The following GAS2L3 variants were observed in gnomAD, a reference collection of about 807,000 sequenced individuals.
GAS2L3 encodes the protein growth arrest specific 2 like 3.
GAS2L3 carries 28 observed loss-of-function variants against 37.0 expected under a neutral mutation model. The observed-to-expected ratio is 0.76, with a 90% confidence interval of 0.56 to 1.04. The LOEUF (loss-of-function observed/expected upper bound fraction) is 1.04, where lower values mean the gene tolerates loss of function less well. GAS2L3 is among the 50% of genes least tolerant of loss of function. The pLI is 0.00. For missense variants in GAS2L3, 793 were observed against 817.6 expected, an observed-to-expected ratio of 0.97 and a Z score of 0.37; for synonymous variants, 290 against 296.6, an observed-to-expected ratio of 0.98 and a Z score of 0.23.
chr12:100,615,391 A>G (rs1956173810), intron 6 of GAS2L3, among the ~76,000 whole-genome samples: 1 of 152,122 alleles, frequency 6.6e-6, no homozygotes, highest in Non-Finnish European at 1.5e-5. Context: ...TATATATTCT[A>G]GATACTAGGC....
At chr12:100,600,621 T>A in intron 4 of GAS2L3, 71 bp downstream of exon 4, 1 of 1,191,078 alleles carries the variant, frequency 8.4e-7, no homozygotes, top group Non-Finnish European at 1.2e-6. Flanking sequence ...CCTTACTCTT[T>A]GTCAAGGAGT....
At chr12:100,611,870 T>G (rs763041564) in intron 5 of GAS2L3, 130 bp from the exon 6 acceptor site, 1 of 668,346 alleles carries the variant, frequency 1.5e-6, no homozygotes, top group Non-Finnish European at 2.5e-6. Flanking sequence ...CAAAACTATC[T>G]TTTTTCTCTA....
In GAS2L3 at chr12:100,624,404, AG is replaced by A; in HGVS notation, c.1601del (p.Gly534GlufsTer25). 1 of 1,614,086 alleles carries A rather than the reference AG, an allele frequency of 6.2e-7. No homozygotes were observed. Among genetic ancestry groups the A allele is most frequent in the Non-Finnish European group, 8.5e-7 (1 of 1,180,022 alleles). On this transcript the variant is annotated frameshift_variant, in exon 10 of 10. Transcript: ENST00000547754. LOFTEE classifies it low-confidence loss of function (END_TRUNC). ...TSSKTIATGL[G>X]TQSQPSDGAP... is the part of the protein sequence containing the mutation. Reference sequence around the variant, plus strand: ...GTTCCAAAACCATAGCCACGGGTCTAGGAACACAGTCTCAACCATCCGATGG... The same window carrying A: ...GTTCCAAAACCATAGCCACGGGTCTAGAACACAGTCTCAACCATCCGATGG...
chr12:100,613,807 G>A (rs953048596), intron 6 of GAS2L3, among the ~76,000 whole-genome samples: 1 of 151,768 alleles, frequency 6.6e-6, no homozygotes, highest in African/African-American at 2.4e-5. Context: ...TGTTAGCCAG[G>A]GTGGTCTCAA....
At chr12:100,578,216 A>G (rs1955662547) in intron 1 of GAS2L3, among the ~76,000 whole-genome samples, 1 of 152,200 alleles carries the variant, frequency 6.6e-6, no homozygotes, top group African/African-American at 2.4e-5. Context: ...AGAAGCAACA[A>G]GATATAGTCA....
intron 1 of GAS2L3, chr12:100,579,215 G>A (rs982080348): frequency 3.4e-5 from 21 of 616,130 alleles, no homozygotes; most frequent in Non-Finnish European, 6.3e-5. Flanking sequence ...TCCCCTTTCT[G>A]GATTTGCTAA....
chr12:100,596,281 T>G (rs895916235), intron 3 of GAS2L3, among the ~76,000 whole-genome samples: 2 of 152,132 alleles, frequency 1.3e-5, no homozygotes, highest in Non-Finnish European at 2.9e-5. Flanking sequence ...GTCTCAGGAA[T>G]GTCATAGTTT....
intron 1 of GAS2L3, among the ~76,000 whole-genome samples, chr12:100,584,335 C>A (rs1413469241): frequency 6.6e-6 from 1 of 152,164 alleles, no homozygotes; most frequent in Non-Finnish European, 1.5e-5. Context: ...GATCATGAAG[C>A]AACTCTCCAA....
chr12:100,618,428 G>C (rs771731083), intron 7 of GAS2L3, 21 bp from the exon 8 acceptor site: 48 of 1,590,480 alleles, frequency 3.0e-5, no homozygotes, highest in Non-Finnish European at 3.8e-5. Flanking sequence ...TGAATGATCA[G>C]ATCTCCTGGT....
intron 1 of GAS2L3, among the ~76,000 whole-genome samples, chr12:100,577,346 A>G (rs897142146): frequency 6.6e-6 from 1 of 152,144 alleles, no homozygotes; most frequent in Admixed American, 6.5e-5. Flanking sequence ...TTAATCTATC[A>G]TGTGTAAAGG....
chr12:100,611,798 C>T (rs1464118800), intron 5 of GAS2L3, among the ~76,000 whole-genome samples: 4 of 151,978 alleles, frequency 2.6e-5, no homozygotes, highest in African/African-American at 7.3e-5. Flanking sequence ...GGCCACAGAC[C>T]GGTACCAGTC....
intron 5 of GAS2L3, among the ~76,000 whole-genome samples, chr12:100,604,235 T>A (rs976828213): frequency 6.6e-6 from 1 of 152,062 alleles, no homozygotes; most frequent in African/African-American, 2.4e-5. Flanking sequence ...TCCATGCACA[T>A]GGAATATTTT....
intron 5 of GAS2L3, among the ~76,000 whole-genome samples, chr12:100,602,544 T>C (rs1956004696): frequency 1.3e-5 from 2 of 151,948 alleles, no homozygotes; most frequent in African/African-American, 4.8e-5. Context: ...ATTTATGGGG[T>C]ACATGAGATA....
At chr12:100,579,106 A>G in intron 1 of GAS2L3, 1 of 722,818 alleles carries the variant, frequency 1.4e-6, no homozygotes, top group Non-Finnish European at 2.6e-6. Flanking sequence ...TTCAGGAGAG[A>G]GTCACAATAA....
At chr12:100,588,184 A>G (rs892550416) in intron 1 of GAS2L3, among the ~76,000 whole-genome samples, 6 of 152,192 alleles carry the variant, frequency 3.9e-5, no homozygotes, top group African/African-American at 1.4e-4. Flanking sequence ...CTTAGAACAG[A>G]TAAAATATTG....
At chr12:100,609,040 G>T (rs1956094242) in intron 5 of GAS2L3, among the ~76,000 whole-genome samples, 1 of 152,176 alleles carries the variant, frequency 6.6e-6, no homozygotes, top group African/African-American at 2.4e-5. Context: ...CCAGGCCTGG[G>T]ATTCACCCTT....
intron 6 of GAS2L3, among the ~76,000 whole-genome samples, chr12:100,612,880 T>C (rs1956143020): frequency 6.6e-6 from 1 of 152,128 alleles, no homozygotes; most frequent in East Asian, 1.9e-4. Flanking sequence ...TGCTGGTTTG[T>C]GGTGATAGTA....
chr12:100,592,752 T>C lies in GAS2L3; in HGVS notation c.-31+896T>C, dbSNP rs369347642. Among the ~76,000 whole-genome samples, 45 of 152,122 alleles carry C rather than the reference T, an allele frequency of 3.0e-4. 1 individual carries two copies. The highest frequency in any genetic ancestry group is 1.0e-3 in the African/African-American group (43 of 41,528). ...TGTCTTGTGAAAGATTCCCAACAGG[T>C]TTAGAGTGGAGTTTAGACTTGGTTA... On this transcript the variant is annotated intron_variant, in intron 2 of 9. Coordinates refer to ENST00000547754, the MANE Select transcript of GAS2L3 (RefSeq NM_174942.3).
chr12:100,583,110 A>G (rs1955734323), intron 1 of GAS2L3, among the ~76,000 whole-genome samples: 1 of 152,190 alleles, frequency 6.6e-6, no homozygotes, highest in Non-Finnish European at 1.5e-5. Context: ...AGTAAAGCAA[A>G]AGAAAATTTA....
Sources: gnomAD v4.1 joint callset for allele counts (sites outside exome capture counted in the v4.1 genomes callset) on GRCh38, gnomAD v4.1.1 for gene constraint, MANE v1.5 for transcripts, NCBI Gene and HGNC (gene_info 2026-07-23, HGNC 2026-07-21) for gene names.